Variants in MAGI2 observed in about 807,000 individuals in gnomAD.
MAGI2 encodes membrane-associated guanylate kinase, WW and PDZ domain-containing protein 2.
In MAGI2, 35 loss-of-function variants were observed where a neutral mutation model predicts 133.3. That is an observed-to-expected ratio of 0.26 (90% CI 0.20 to 0.35). The LOEUF (loss-of-function observed/expected upper bound fraction) is 0.35. MAGI2 is among the 10% of genes least tolerant of loss of function. The probability of loss-of-function intolerance (pLI) is 1.00; values close to 1 mark genes in which losing one functional copy is unlikely to be tolerated. For missense variants in MAGI2, 1,636 were observed against 1,863.4 expected (o/e 0.88, Z 2.25); for synonymous variants, 729 against 710.6 (o/e 1.03, Z -0.41).
At chr7:78,669,916 G>T (rs1814140700) in intron 2 of MAGI2, among the ~76,000 whole-genome samples, 1 of 150,250 alleles carries the variant, frequency 6.7e-6, no homozygotes, top group South Asian at 2.1e-4. Flanking sequence ...TTGATGGGAA[G>T]TATCTCAAAA....
intron 2 of MAGI2, among the ~76,000 whole-genome samples, chr7:78,872,745 G>A (rs1056390591): frequency 6.6e-6 from 1 of 151,814 alleles, no homozygotes; most frequent in African/African-American, 2.4e-5. Context: ...AAATATTTCT[G>A]GCCCGTGGGT....
At chr7:78,546,676 ATCTC>A (rs3086440) in intron 3 of MAGI2, among the ~76,000 whole-genome samples, 71,586 of 150,478 alleles carry the variant, frequency 0.48, 17,219 homozygotes, top group African/African-American at 0.6. Context: ...AAAGATCCTC[ATCTC>A]TCTCTCTCTC....
intron 4 of MAGI2, among the ~76,000 whole-genome samples, chr7:78,513,583 G>T (rs1234681929): frequency 6.6e-6 from 1 of 152,172 alleles, no homozygotes; most frequent in East Asian, 1.9e-4. Context: ...TTCTAAGAAA[G>T]CCTGGAGAAC....
chr7:78,298,957 AG>A (rs1211432098), intron 9 of MAGI2, among the ~76,000 whole-genome samples: 1 of 151,718 alleles, frequency 6.6e-6, no homozygotes, highest in Non-Finnish European at 1.5e-5. Flanking sequence ...CTGGGACCAC[AG>A]GCGCACGCCA....
At position 79,029,449 on chromosome 7, in the gene MAGI2, T is replaced by A. The variant is rs146194092; in HGVS notation, c.302-22243A>T. Among the ~76,000 whole-genome samples the A allele has an allele frequency of 1.5e-3, 233 of 152,238 alleles. 1 individual carries two copies. The highest frequency in any genetic ancestry group is 5.5e-3 in the African/African-American group (227 of 41,566). ...AAATAAGACCCCCCCAAACCCAACC[T>A]GTAATCTTTATCAGTTTCATAGCTA... On this transcript the variant is annotated intron_variant, in intron 1 of 21. Coordinates refer to ENST00000354212, the MANE Select transcript of MAGI2 (RefSeq NM_012301.4).
intron 6 of MAGI2, among the ~76,000 whole-genome samples, chr7:78,380,765 A>G (rs1348943428): frequency 1.3e-5 from 2 of 152,302 alleles, no homozygotes; most frequent in Admixed American, 1.3e-4. Context: ...TGTAACACAG[A>G]CACTTGAAGG....
At chr7:78,171,832 C>A (rs1474389600) in intron 14 of MAGI2, among the ~76,000 whole-genome samples, 1 of 152,174 alleles carries the variant, frequency 6.6e-6, no homozygotes, top group African/African-American at 2.4e-5. Context: ...CTCAGCTGAC[C>A]CTTCAGTTCC....
At chr7:79,311,628 C>T (rs1180643177) in intron 1 of MAGI2, among the ~76,000 whole-genome samples, 2 of 152,048 alleles carry the variant, frequency 1.3e-5, no homozygotes, top group African/African-American at 2.4e-5. Flanking sequence ...CATAACTTTA[C>T]GTACCATCTA....
At chr7:78,073,348 C>T (rs1226479019) in intron 21 of MAGI2, among the ~76,000 whole-genome samples, 6 of 152,044 alleles carry the variant, frequency 3.9e-5, no homozygotes, top group South Asian at 4.2e-4. Context: ...CATTAGTTGT[C>T]GCTGGGCCAT....
intron 1 of MAGI2, among the ~76,000 whole-genome samples, chr7:79,041,434 C>T (rs1387739397): frequency 6.6e-6 from 1 of 151,966 alleles, no homozygotes; most frequent in Non-Finnish European, 1.5e-5. Context: ...AATATTTGCT[C>T]ATAGTTATAA....
chr7:78,737,140 T>C lies in MAGI2; in HGVS notation c.419-109901A>G, dbSNP rs537555246. 2.0e-5 allele frequency among the ~76,000 whole-genome samples: 3 copies of C among 152,318 alleles called. No individual in the cohort carries two copies. The South Asian group carries it at 6.2e-4, about 32-fold the overall frequency. ...GATTGTTACCAATAAAATTTGAGCT[T>C]TAGAGCTAAATTATAATTTGGGGAA... On this transcript the variant is annotated intron_variant, in intron 2 of 21. Transcript: ENST00000354212.
intron 6 of MAGI2, among the ~76,000 whole-genome samples, chr7:78,373,546 C>T (rs995556653): frequency 3.2e-5 from 3 of 93,010 alleles, no homozygotes; most frequent in Admixed American, 2.9e-4. Context: ...AGGTCACTTA[C>T]TCTTACTATT....
chr7:79,130,479 C>T (rs760918631), intron 1 of MAGI2, among the ~76,000 whole-genome samples: 3 of 152,068 alleles, frequency 2.0e-5, no homozygotes, highest in South Asian at 2.1e-4. Flanking sequence ...GTCATTTGTG[C>T]ACTGCATAAG....
intron 1 of MAGI2, among the ~76,000 whole-genome samples, chr7:79,439,832 G>A (rs1186447269): frequency 1.3e-5 from 2 of 151,942 alleles, no homozygotes; most frequent in Non-Finnish European, 2.9e-5. Context: ...TCCTAACCAT[G>A]TTTCTTCTTA....
intron 10 of MAGI2, among the ~76,000 whole-genome samples, chr7:78,234,566 T>A (rs542829771): frequency 1.3e-4 from 16 of 119,804 alleles, no homozygotes; most frequent in African/African-American, 3.6e-4. Context: ...TAATGAATAT[T>A]TTTCATATTC....
At chr7:78,067,501 G>C (rs562911624) in intron 21 of MAGI2, among the ~76,000 whole-genome samples, 26 of 152,342 alleles carry the variant, frequency 1.7e-4, no homozygotes, top group Non-Finnish European at 3.1e-4. Context: ...CTCTTGAAGA[G>C]TGCATGCTGA....
intron 2 of MAGI2, among the ~76,000 whole-genome samples, chr7:78,826,197 A>G (rs1322452906): frequency 6.6e-6 from 1 of 151,290 alleles, no homozygotes; most frequent in Admixed American, 6.6e-5. Flanking sequence ...CTAAAAATAC[A>G]AAAAAAATTA....
intron 3 of MAGI2, among the ~76,000 whole-genome samples, chr7:78,526,246 A>G (rs943474877): frequency 2.0e-5 from 3 of 152,234 alleles, no homozygotes; most frequent in Admixed American, 1.3e-4. Flanking sequence ...GCCACAGTCA[A>G]TGAACACAAA....
chr7:78,108,346 C>T (rs1818904187), intron 20 of MAGI2, among the ~76,000 whole-genome samples: 1 of 152,154 alleles, frequency 6.6e-6, no homozygotes, highest in Admixed American at 6.5e-5. Context: ...ATACTTGATA[C>T]AATTTCAATT....
Sources: allele counts gnomAD v4.1 joint callset (sites outside exome capture counted in the v4.1 genomes callset), GRCh38; gene constraint gnomAD v4.1.1; transcripts MANE v1.5; gene names NCBI Gene and HGNC (gene_info 2026-07-23, HGNC 2026-07-21).